Variants in HOOK3 observed in about 807,000 individuals in gnomAD.
HOOK3 encodes hook microtubule tethering protein 3, also known as protein Hook homolog 3.
Under a neutral mutation model 116.3 loss-of-function variants are expected in HOOK3, and 24 were observed. The observed-to-expected ratio is 0.21, with a 90% CI of 0.15 to 0.29. The LOEUF is 0.29. HOOK3 is among the 10% of genes least tolerant of loss of function. The probability of loss-of-function intolerance (pLI) is 1.00; values close to 1 mark genes in which losing one functional copy is unlikely to be tolerated. For missense variants in HOOK3, 632 were observed against 830.2 expected, an observed-to-expected ratio of 0.76 and a Z score of 2.93; for synonymous variants, 275 against 283.0, an observed-to-expected ratio of 0.97 and a Z score of 0.28.
intron 2 of HOOK3, among the ~76,000 whole-genome samples, chr8:42,919,785 T>C (rs1169637957): frequency 6.6e-6 from 1 of 151,944 alleles, no homozygotes; most frequent in East Asian, 1.9e-4. Flanking sequence ...CACCAAAAAA[T>C]ATGAAAACCA....
chr8:42,911,255 C>A (rs1346003483), intron 2 of HOOK3, among the ~76,000 whole-genome samples: 1 of 152,142 alleles, frequency 6.6e-6, no homozygotes, highest in Non-Finnish European at 1.5e-5. Flanking sequence ...AGTTCAAGAC[C>A]AGCCTGACCA....
intron 5 of HOOK3, among the ~76,000 whole-genome samples, chr8:42,944,693 C>T (rs1053703267): frequency 1.3e-5 from 2 of 151,892 alleles, no homozygotes; most frequent in Non-Finnish European, 2.9e-5. Flanking sequence ...GTGGTGGGCG[C>T]CTGTAATCCC....
At chr8:42,991,610 T>C (rs1462946218) in intron 15 of HOOK3, among the ~76,000 whole-genome samples, 2 of 152,092 alleles carry the variant, frequency 1.3e-5, no homozygotes, top group African/African-American at 4.8e-5. Flanking sequence ...CCCGGTTGGC[T>C]GGGCTGGTCT....
intron 13 of HOOK3, among the ~76,000 whole-genome samples, chr8:42,981,103 G>A (rs1808932600): frequency 6.7e-6 from 1 of 149,776 alleles, no homozygotes; most frequent in South Asian, 2.1e-4. Flanking sequence ...CCAGGCTGGA[G>A]TGCAGTGGCA....
chr8:43,018,475 G>C lies in HOOK3; in HGVS notation c.2134G>C (p.Val712Leu). ...TSSRRSYPGHVQPATAR is the reference protein window; with the variant it reads ...TSSRRSYPGHLQPATAR ...CAGCAGAAGATCATACCCAGGCCAC[G>C]TGCAGCCGGCCACAGCAAGGTAGAG... The change falls in exon 22 of 22, where the codon GTG becomes CTG. Residue 712 changes from valine to leucine, a missense_variant. Val to Leu is a conservative substitution (Grantham distance 32, BLOSUM62 1). This residue lies in a region of HOOK3 where 483 missense variants were observed against 648.1 expected (regional missense o/e 0.75). Transcript: ENST00000307602. The C allele has an allele frequency of 6.2e-7, 1 of 1,612,566 alleles. No individual in the cohort carries two copies.
intron 4 of HOOK3, among the ~76,000 whole-genome samples, chr8:42,931,903 T>C (rs1807882786): frequency 6.6e-6 from 1 of 152,158 alleles, no homozygotes; most frequent in African/African-American, 2.4e-5. Context: ...TACAGGTGCG[T>C]ACCACCACAT....
At chr8:42,930,842 T>A (rs188842884) in intron 4 of HOOK3, among the ~76,000 whole-genome samples, 1 of 152,262 alleles carries the variant, frequency 6.6e-6, no homozygotes, top group African/African-American at 2.4e-5. Flanking sequence ...TAAGACCCAT[T>A]AGTCAAACCT....
Position 43,018,520 on chromosome 8 carries a change from C to A in HOOK3, c.*22C>A. On this transcript the variant is annotated 3_prime_UTR_variant, in exon 22 of 22. Coordinates refer to ENST00000307602, the MANE Select transcript of HOOK3 (RefSeq NM_032410.4). Reference sequence around the variant, plus strand: ...GTAGAGAAGTTGTGCCGCTCAATCACAGACACCTGCACCCACAACATACTT... The same window carrying A: ...GTAGAGAAGTTGTGCCGCTCAATCAAAGACACCTGCACCCACAACATACTT... 1 of 1,595,564 alleles carries A rather than the reference C, an allele frequency of 6.3e-7. No homozygotes were observed.
chr8:43,030,116 G>A lies in HOOK3; in HGVS notation c.*11618G>A, dbSNP rs1810002769. On this transcript the variant is annotated 3_prime_UTR_variant, in exon 22 of 22. Transcript: ENST00000307602. ...CAGTGTTGTACATAATGATGTCCAAGCATTTTTCCACCTGTTTACTGAGTT... is the reference window on the plus strand; with the variant it reads ...CAGTGTTGTACATAATGATGTCCAAACATTTTTCCACCTGTTTACTGAGTT... 1 of 207,924 alleles carries A rather than the reference G, an allele frequency of 4.8e-6. No homozygotes were observed. Among genetic ancestry groups the A allele is most frequent in the African/African-American group, 2.3e-5 (1 of 44,034 alleles). 12.9% of individuals were successfully genotyped at this position (207,924 alleles called of 1,614,324 possible).
At chr8:42,966,874 A>G (rs1188821075) in intron 10 of HOOK3, among the ~76,000 whole-genome samples, 1 of 152,176 alleles carries the variant, frequency 6.6e-6, no homozygotes, top group Non-Finnish European at 1.5e-5. Flanking sequence ...GCGATACACA[A>G]GTGTTTGTAA....
At chr8:42,932,416 T>C (rs893917211) in intron 4 of HOOK3, among the ~76,000 whole-genome samples, 4 of 152,186 alleles carry the variant, frequency 2.6e-5, no homozygotes, top group African/African-American at 7.2e-5. Flanking sequence ...TTGAAGATAG[T>C]GATGCTGTTT....
At chr8:42,902,803 A>G (rs1392605186) in intron 1 of HOOK3, among the ~76,000 whole-genome samples, 1 of 152,222 alleles carries the variant, frequency 6.6e-6, no homozygotes, top group Non-Finnish European at 1.5e-5. Context: ...GATTAGAATT[A>G]GCTCCTTTCA....
intron 4 of HOOK3, among the ~76,000 whole-genome samples, chr8:42,934,655 T>G (rs1247431704): frequency 6.6e-6 from 1 of 152,130 alleles, no homozygotes; most frequent in African/African-American, 2.4e-5. Context: ...TGGTTTTCTG[T>G]CCTTGTGATA....
Position 43,002,024 on chromosome 8 carries a change from G to A in HOOK3, c.1621-83G>A, listed in dbSNP as rs1048766572. The A allele has an allele frequency of 1.7e-5, 15 of 871,374 alleles. No individual in the cohort carries two copies. The African/African-American group carries it at 2.4e-4, about 14-fold the overall frequency. The allele number at this position is 871,374 out of a possible 1,614,324, so 54.0% of individuals were successfully genotyped here. Reference sequence around the variant, plus strand: ...TACTGAAAGCTCACTCAAAATTAATGACTATTGTACTTTTAACTTAAAAGA... The same window carrying A: ...TACTGAAAGCTCACTCAAAATTAATAACTATTGTACTTTTAACTTAAAAGA... On this transcript the variant is annotated intron_variant, in intron 16 of 21. Transcript: ENST00000307602.
intron 11 of HOOK3, among the ~76,000 whole-genome samples, chr8:42,970,489 G>C (rs1340520625): frequency 1.3e-5 from 2 of 152,158 alleles, no homozygotes; most frequent in South Asian, 2.1e-4. Flanking sequence ...GTTTCTGTCT[G>C]AACATGATAC....
intron 6 of HOOK3, among the ~76,000 whole-genome samples, chr8:42,951,769 C>T (rs555786337): frequency 4.6e-5 from 7 of 151,890 alleles, no homozygotes; most frequent in Admixed American, 6.6e-5. Flanking sequence ...GGTGAAACTT[C>T]GTCTGTACTA....
chr8:42,975,710 T>C (rs1274608803), intron 13 of HOOK3, among the ~76,000 whole-genome samples: 1 of 152,196 alleles, frequency 6.6e-6, no homozygotes, highest in Admixed American at 6.5e-5. Flanking sequence ...TACCTTAAGA[T>C]AGATACATAT....
chr8:42,968,851 G>T (rs755101584), intron 11 of HOOK3, among the ~76,000 whole-genome samples: 3 of 152,066 alleles, frequency 2.0e-5, no homozygotes, highest in Non-Finnish European at 4.4e-5. Flanking sequence ...CCATGCTGCG[G>T]CTTTCATTCC....
chr8:42,998,215 T>G (rs1228140545), intron 16 of HOOK3: 3 of 153,230 alleles, frequency 2.0e-5, no homozygotes, highest in Non-Finnish European at 4.4e-5. Flanking sequence ...CGTGTTAACC[T>G]TCTATCACAG....
Sources: allele counts gnomAD v4.1 joint callset (sites outside exome capture counted in the v4.1 genomes callset), GRCh38; gene constraint gnomAD v4.1.1; regional missense constraint gnomAD v4.1.1; transcripts MANE v1.5; gene names NCBI Gene and HGNC (gene_info 2026-07-23, HGNC 2026-07-21).